NOL4L: variants seen among roughly 807,000 people sequenced by gnomAD.
The protein encoded by NOL4L is nucleolar protein 4 like.
A neutral mutation model predicts 64.5 loss-of-function variants in NOL4L; 7 were observed. The ratio of observed to expected loss-of-function variants is 0.11; its 90% CI spans 0.06 to 0.20. The LOEUF (loss-of-function observed/expected upper bound fraction) is 0.20, where lower values mean the gene tolerates loss of function less well. Ranked by LOEUF, NOL4L falls within the 10% of genes least tolerant of loss-of-function variation. NOL4L has a pLI of 1.00. For synonymous variants in NOL4L, 413 were observed against 401.0 expected, an observed-to-expected ratio of 1.03 and a Z score of -0.36; for missense variants, 680 against 967.1, an observed-to-expected ratio of 0.70 and a Z score of 3.94.
chr20:32,568,160 C>T (rs1979546507), intron 1 of NOL4L, among the ~76,000 whole-genome samples: 1 of 152,004 alleles, frequency 6.6e-6, no homozygotes, highest in Non-Finnish European at 1.5e-5. Flanking sequence ...CCCACCATCC[C>T]CAACACCATC....
intron 5 of NOL4L, among the ~76,000 whole-genome samples, chr20:32,474,009 C>T (rs2015211673): frequency 6.6e-6 from 1 of 152,218 alleles, no homozygotes; most frequent in Admixed American, 6.5e-5. Context: ...CTCTCCAACC[C>T]CTGAGAAGGA....
In NOL4L at chr20:32,460,820, C is replaced by T. The variant is rs560135576; in HGVS notation, c.842-4425G>A. Among the ~76,000 whole-genome samples, 16 of 152,306 alleles carry T rather than the reference C, an allele frequency of 1.1e-4. No individual in the cohort carries two copies. Among genetic ancestry groups the T allele is most frequent in the Admixed American group, 7.2e-4 (11 of 15,300 alleles). ...ACCCTCGGAGCTCATGCTCCAGCAG[C>T]GACAAATCAAACCTGAGGGCTCCAG... On this transcript the variant is annotated intron_variant, in intron 5 of 10. Coordinates refer to ENST00000621426, the MANE Select transcript of NOL4L (RefSeq NM_001256798.2). The surrounding 1 kb of genome is among the most constrained non-coding windows in gnomAD (Gnocchi z 5.7).
chr20:32,575,259 C>T (rs1980022265), intron 1 of NOL4L, among the ~76,000 whole-genome samples: 1 of 152,070 alleles, frequency 6.6e-6, no homozygotes, highest in Non-Finnish European at 1.5e-5. Flanking sequence ...CTTCAGGACC[C>T]CACTGTGGTT....
intron 3 of NOL4L, among the ~76,000 whole-genome samples, chr20:32,514,063 A>G (rs1041322975): frequency 1.3e-5 from 2 of 152,238 alleles, no homozygotes; most frequent in African/African-American, 2.4e-5. Context: ...GTCCTCTTTG[A>G]CGCTGTGTAC....
intron 4 of NOL4L, among the ~76,000 whole-genome samples, chr20:32,480,960 T>C (rs1184813441): frequency 6.6e-6 from 1 of 152,198 alleles, no homozygotes; most frequent in East Asian, 1.9e-4. Context: ...CTCTGCTTAC[T>C]AGCCATGCAA....
intron 4 of NOL4L, among the ~76,000 whole-genome samples, chr20:32,503,980 T>C (rs2017029452): frequency 6.6e-6 from 1 of 152,244 alleles, no homozygotes. Flanking sequence ...GAGCTTTTTA[T>C]GATACTGTGT....
At chr20:32,518,516 T>G (rs1392342966) in intron 3 of NOL4L, among the ~76,000 whole-genome samples, 2 of 152,250 alleles carry the variant, frequency 1.3e-5, no homozygotes, top group African/African-American at 4.8e-5. Flanking sequence ...CGGAGGGAGC[T>G]GAGGAATGCC....
At chr20:32,581,257 A>AC (rs1306205672) in intron 1 of NOL4L, among the ~76,000 whole-genome samples, 1 of 151,102 alleles carries the variant, frequency 6.6e-6, no homozygotes, top group Non-Finnish European at 1.5e-5. Context: ...CTTCTCCTCG[A>AC]CCCCCGCCCT....
chr20:32,522,744 G>T (rs2017990006), intron 2 of NOL4L, among the ~76,000 whole-genome samples: 1 of 152,218 alleles, frequency 6.6e-6, no homozygotes, highest in South Asian at 2.1e-4. Flanking sequence ...CGTGTGCTAG[G>T]CAGAGCAGAG....
intron 5 of NOL4L, among the ~76,000 whole-genome samples, chr20:32,465,314 G>T (rs187432731): frequency 1.3e-5 from 2 of 151,074 alleles, no homozygotes; most frequent in Admixed American, 6.5e-5. Flanking sequence ...GCCCAGACAG[G>T]CCCCAAAGCA....
intron 1 of NOL4L, among the ~76,000 whole-genome samples, chr20:32,553,753 C>A (rs1381895867): frequency 6.6e-6 from 1 of 151,988 alleles, no homozygotes; most frequent in Non-Finnish European, 1.5e-5. Context: ...CTGTCACAGA[C>A]CAGAGGAGGT....
rs921393504 is a variant in NOL4L at position 32,463,217 on chromosome 20, G to A, written c.842-6822C>T. On this transcript the variant is annotated intron_variant, in intron 5 of 10. Coordinates refer to ENST00000621426, the MANE Select transcript of NOL4L (RefSeq NM_001256798.2). This position sits in a 1 kb window ranked among gnomAD's most constrained non-coding sequence, Gnocchi z 5.8. ...GCTGGGAGGCTCAGTGGGAAGCTGG[G>A]AGTTCTGGATGGACCCTCCACACCT... Among the ~76,000 whole-genome samples, 3 of 152,226 alleles carry A rather than the reference G, an allele frequency of 2.0e-5. No individual in the cohort carries two copies. Among genetic ancestry groups the A allele is most frequent in the Non-Finnish European group, 4.4e-5 (3 of 68,038 alleles).
chr20:32,459,166 C>T (rs926809556), intron 5 of NOL4L, among the ~76,000 whole-genome samples: 3 of 152,120 alleles, frequency 2.0e-5, no homozygotes, highest in East Asian at 1.9e-4. Context: ...CCAAGTGTTC[C>T]AAGCTGTTAG....
chr20:32,550,380 G>A (rs917619376), intron 1 of NOL4L, among the ~76,000 whole-genome samples: 2 of 152,200 alleles, frequency 1.3e-5, no homozygotes, highest in African/African-American at 4.8e-5. Flanking sequence ...CCGAGTAGCT[G>A]GGCCACTGCA....
At chr20:32,455,472 A>T (rs566237816) in intron 6 of NOL4L, among the ~76,000 whole-genome samples, 4 of 152,206 alleles carry the variant, frequency 2.6e-5, no homozygotes, top group Non-Finnish European at 4.4e-5. Context: ...GCCTGTCCAG[A>T]GGTGTAAGCT....
rs549680760 is a variant in NOL4L at position 32,478,796 on chromosome 20, G to A, written c.700-4054C>T. On this transcript the variant is annotated intron_variant, in intron 4 of 10. Transcript: ENST00000621426. ...TGTAGAGACAAGGGCTCACTATATC[G>A]CCCAGGCTGGCCTCGAACTCCTGGG... is the stretch of plus-strand genomic sequence containing the variant. 6.6e-5 allele frequency among the ~76,000 whole-genome samples: 10 copies of A among 152,186 alleles called. 1 individual carries two copies. In the South Asian group the frequency reaches 1.9e-3, roughly 28 times the overall value.
chr20:32,486,506 T>C (rs1005198888), intron 4 of NOL4L, among the ~76,000 whole-genome samples: 1 of 152,150 alleles, frequency 6.6e-6, no homozygotes. Flanking sequence ...CCCCTTTCTT[T>C]CATGCAGCTT....
At position 32,460,098 on chromosome 20, in the gene NOL4L, T is replaced by C. The variant is rs1033702837; in HGVS notation, c.842-3703A>G. Among the ~76,000 whole-genome samples the C allele has an allele frequency of 1.3e-5, 2 of 152,122 alleles. No individual in the cohort carries two copies. Among genetic ancestry groups the C allele is most frequent in the Non-Finnish European group, 2.9e-5 (2 of 68,022 alleles). On this transcript the variant is annotated intron_variant, in intron 5 of 10. Transcript: ENST00000621426. This position sits in a 1 kb window ranked among gnomAD's most constrained non-coding sequence, Gnocchi z 5.7. Reference sequence around the variant, plus strand: ...CCACGGGCTGGGAATGGGCAGTTAGTACTTAAAGGGTGCAGAGTTTCTGTT... The same window carrying C: ...CCACGGGCTGGGAATGGGCAGTTAGCACTTAAAGGGTGCAGAGTTTCTGTT...
At chr20:32,543,360 C>T (rs2145599641) in intron 1 of NOL4L, among the ~76,000 whole-genome samples, 1 of 152,312 alleles carries the variant, frequency 6.6e-6, no homozygotes, top group South Asian at 2.1e-4. Flanking sequence ...TGGCTCATGC[C>T]TGTAATCCCA....
Sources: gnomAD v4.1 joint callset for allele counts (sites outside exome capture counted in the v4.1 genomes callset) on GRCh38, gnomAD v4.1.1 for gene constraint, Gnocchi (gnomAD v3.1) non-coding constraint, MANE v1.5 for transcripts, NCBI Gene and HGNC (gene_info 2026-07-23, HGNC 2026-07-21) for gene names.